The following PTPN14 variants were observed in gnomAD, a reference collection of about 807,000 sequenced individuals.
The protein encoded by PTPN14 is protein tyrosine phosphatase non-receptor type 14.
Under a neutral mutation model 126.8 loss-of-function variants are expected in PTPN14, and 53 were observed. The ratio of observed to expected loss-of-function variants is 0.42; its 90% CI spans 0.34 to 0.53. The LOEUF (loss-of-function observed/expected upper bound fraction) is 0.53, where lower values mean the gene tolerates loss of function less well. PTPN14 is among the 20% of genes least tolerant of loss of function. The pLI is 0.08. For synonymous variants in PTPN14, 630 were observed against 599.3 expected, an observed-to-expected ratio of 1.05 and a Z score of -0.75; for missense variants, 1,257 against 1,552.9, an observed-to-expected ratio of 0.81 and a Z score of 3.20.
chr1:214,417,394 GGGCC>G (rs1259629002), intron 3 of PTPN14, among the ~76,000 whole-genome samples: 1 of 152,014 alleles, frequency 6.6e-6, no homozygotes, highest in Non-Finnish European at 1.5e-5. Flanking sequence ...TAGTCTCTGG[GGGCC>G]TCATCTATCT....
chr1:214,370,510 C>G (rs549620477), intron 16 of PTPN14, among the ~76,000 whole-genome samples: 1 of 152,206 alleles, frequency 6.6e-6, no homozygotes, highest in South Asian at 2.1e-4. Context: ...GTTCAGCGCA[C>G]AGCTCTTTCT....
chr1:214,367,063 T>G (rs1013919839), intron 17 of PTPN14, among the ~76,000 whole-genome samples: 5 of 152,138 alleles, frequency 3.3e-5, no homozygotes, highest in Non-Finnish European at 4.4e-5. Flanking sequence ...TAAAAGACTA[T>G]ACTTTAAAGT....
chr1:214,374,302 G>A (rs1033720732), intron 15 of PTPN14, among the ~76,000 whole-genome samples: 2 of 152,144 alleles, frequency 1.3e-5, no homozygotes, highest in Non-Finnish European at 2.9e-5. Context: ...GGTCAAAGCT[G>A]GCAAGAAAAA....
intron 3 of PTPN14, among the ~76,000 whole-genome samples, chr1:214,449,508 A>G (rs1187247335): frequency 6.6e-6 from 1 of 152,000 alleles, no homozygotes; most frequent in African/African-American, 2.4e-5. Context: ...CACCCTCATC[A>G]CTCATTACCT....
chr1:214,370,265 G>C (rs577609546), intron 16 of PTPN14, among the ~76,000 whole-genome samples: 1 of 150,548 alleles, frequency 6.6e-6, no homozygotes, highest in Non-Finnish European at 1.5e-5. Context: ...GGGCAACAGA[G>C]GGGAGATTCC....
At position 214,454,775 on chromosome 1, in the gene PTPN14, G is replaced by A. The variant is rs187273983; in HGVS notation, c.175-2801C>T. On this transcript the variant is annotated intron_variant, in intron 2 of 18. Transcript: ENST00000366956. ...TTCCAGAGGACACAGAATATTTCAGGGTGACTCACCAGGTAATTATCCAGT... is the reference window on the plus strand; with the variant it reads ...TTCCAGAGGACACAGAATATTTCAGAGTGACTCACCAGGTAATTATCCAGT... 1.4e-3 allele frequency among the ~76,000 whole-genome samples: 216 copies of A among 152,136 alleles called. 1 individual carries two copies. The highest frequency in any genetic ancestry group is 5.0e-3 in the African/African-American group (206 of 41,518).
intron 1 of PTPN14, among the ~76,000 whole-genome samples, chr1:214,524,306 TC>T (rs765311958): frequency 6.6e-6 from 1 of 152,050 alleles, no homozygotes; most frequent in African/African-American, 2.4e-5. Flanking sequence ...TGAAACTACT[TC>T]TATATGAAGT....
chr1:214,403,073 C>T (rs1038264104), intron 5 of PTPN14, 120 bp from the exon 6 acceptor site: 71 of 906,276 alleles, frequency 7.8e-5, no homozygotes, highest in Non-Finnish European at 8.8e-6. Flanking sequence ...TCAATATCTC[C>T]TTTACTGCTG....
intron 5 of PTPN14, among the ~76,000 whole-genome samples, chr1:214,409,837 A>T (rs539650496): frequency 1.3e-5 from 2 of 152,156 alleles, no homozygotes; most frequent in African/African-American, 4.8e-5. Flanking sequence ...CTTTTTGATA[A>T]CAGCCAATCC....
chr1:214,535,883 G>A (rs1179549817), intron 1 of PTPN14, among the ~76,000 whole-genome samples: 1 of 151,982 alleles, frequency 6.6e-6, no homozygotes, highest in African/African-American at 2.4e-5. Flanking sequence ...GTAAAGCTGT[G>A]TTACCACTGA....
chr1:214,433,408 C>A (rs1659837594), intron 3 of PTPN14, among the ~76,000 whole-genome samples: 1 of 151,808 alleles, frequency 6.6e-6, no homozygotes, highest in Non-Finnish European at 1.5e-5. Context: ...CAATTTGTGA[C>A]AGTGAAAGAA....
At chr1:214,475,185 C>T (rs1483661303) in intron 1 of PTPN14, among the ~76,000 whole-genome samples, 2 of 152,050 alleles carry the variant, frequency 1.3e-5, no homozygotes, top group African/African-American at 4.8e-5. Flanking sequence ...CTAAATGATA[C>T]TTTTTAAAGT....
At chr1:214,369,345 T>C in intron 17 of PTPN14, 112 bp downstream of exon 17, 1 of 932,880 alleles carries the variant, frequency 1.1e-6, no homozygotes, top group Non-Finnish European at 1.7e-6. Flanking sequence ...TTATAATACT[T>C]TTGCCACTTA....
intron 1 of PTPN14, among the ~76,000 whole-genome samples, chr1:214,522,065 T>G (rs1655274797): frequency 6.6e-6 from 1 of 151,474 alleles, no homozygotes; most frequent in Non-Finnish European, 1.5e-5. Context: ...GCCTCCCTAG[T>G]AGCTGGAATT....
chr1:214,405,905 C>T (rs1430781177), intron 5 of PTPN14, among the ~76,000 whole-genome samples: 1 of 152,024 alleles, frequency 6.6e-6, no homozygotes, highest in Non-Finnish European at 1.5e-5. Flanking sequence ...AGTCATATAG[C>T]CAATAAGAGG....
At chr1:214,412,778 C>T (rs557798510) in intron 4 of PTPN14, among the ~76,000 whole-genome samples, 2 of 152,198 alleles carry the variant, frequency 1.3e-5, no homozygotes, top group East Asian at 1.9e-4. Flanking sequence ...CCAAATTCCT[C>T]GAGGATCCTC....
rs1286764367 is a variant in PTPN14 at position 214,364,232 on chromosome 1, G to A, written c.3435+280C>T. Among the ~76,000 whole-genome samples the A allele has an allele frequency of 1.3e-5, 2 of 152,164 alleles. No individual in the cohort carries two copies. The highest frequency in any genetic ancestry group is 2.9e-5 in the Non-Finnish European group (2 of 68,032). ...TATCTACAAAATGCCAAAGACTTCT[G>A]GAAGTAGATGCCGCCTAAGATCACA... On this transcript the variant is annotated intron_variant, in intron 18 of 18. Transcript: ENST00000366956. This position sits in a 1 kb window ranked among gnomAD's most constrained non-coding sequence, Gnocchi z 4.1.
At chr1:214,544,488 G>A (rs945703260) in intron 1 of PTPN14, among the ~76,000 whole-genome samples, 29 of 152,112 alleles carry the variant, frequency 1.9e-4, no homozygotes, top group African/African-American at 6.3e-4. Flanking sequence ...AGTGGCTCAC[G>A]CCTGTAATCC....
intron 2 of PTPN14, among the ~76,000 whole-genome samples, chr1:214,459,217 A>G (rs1249750775): frequency 2.7e-5 from 4 of 148,242 alleles, no homozygotes; most frequent in Non-Finnish European, 4.5e-5. Flanking sequence ...CACAATCTCA[A>G]TCTCGCCTCA....
Sources: allele counts gnomAD v4.1 joint callset (sites outside exome capture counted in the v4.1 genomes callset), GRCh38; gene constraint gnomAD v4.1.1; non-coding constraint Gnocchi (gnomAD v3.1); transcripts MANE v1.5; gene names NCBI Gene and HGNC (gene_info 2026-07-23, HGNC 2026-07-21).